Variants in GRM7 observed in about 807,000 individuals in gnomAD.
GRM7 encodes the protein glutamate metabotropic receptor 7, also known as metabotropic glutamate receptor 7.
Under a neutral mutation model 84.5 loss-of-function variants are expected in GRM7, and 35 were observed. The observed-to-expected ratio is 0.41, with a 90% CI of 0.32 to 0.55. The LOEUF is 0.55. GRM7 is among the 20% of genes least tolerant of loss of function. The probability of loss-of-function intolerance (pLI) is 0.19; values close to 1 mark genes in which losing one functional copy is unlikely to be tolerated. For synonymous variants in GRM7, 487 were observed against 455.1 expected (o/e 1.07, Z -0.89); for missense variants, 1,003 against 1,194.6 (o/e 0.84, Z 2.36).
chr3:7,464,720 C>T (rs574778906), intron 7 of GRM7, among the ~76,000 whole-genome samples: 12 of 150,546 alleles, frequency 8.0e-5, no homozygotes, highest in Non-Finnish European at 1.3e-4. Flanking sequence ...CCCAGCTACT[C>T]GGGAGGCTGA....
intron 6 of GRM7, 47 bp downstream of exon 6, chr3:7,452,854 TTC>T: frequency 8.5e-7 from 1 of 1,176,152 alleles, no homozygotes; most frequent in East Asian, 2.4e-5. Context: ...AGTGTTGGCA[TTC>T]TGTTTCATAA....
intron 3 of GRM7, among the ~76,000 whole-genome samples, chr3:7,301,270 C>CAGATTAAGGGA: frequency 6.6e-6 from 1 of 152,182 alleles, no homozygotes; most frequent in South Asian, 2.1e-4. Context: ...TCTGATCATC[C>CAGATTAAGGGA]CTTAAATATA....
intron 9 of GRM7, among the ~76,000 whole-genome samples, chr3:7,734,360 C>A (rs1217200930): frequency 6.6e-6 from 1 of 151,976 alleles, no homozygotes; most frequent in African/African-American, 2.4e-5. Context: ...CACATGGCAG[C>A]TTTAATATAT....
At chr3:7,549,421 C>T (rs1268527940) in intron 7 of GRM7, among the ~76,000 whole-genome samples, 2 of 152,064 alleles carry the variant, frequency 1.3e-5, no homozygotes, top group African/African-American at 4.8e-5. Flanking sequence ...TGCTGCAAAT[C>T]AAGGTGTTTT....
chr3:7,146,019 T>A (rs1356957058), intron 1 of GRM7, among the ~76,000 whole-genome samples: 1 of 152,226 alleles, frequency 6.6e-6, no homozygotes, highest in South Asian at 2.1e-4. Context: ...GTTAGATGGC[T>A]AATGATATCC....
chr3:7,166,525 A>G (rs568530317), intron 2 of GRM7, among the ~76,000 whole-genome samples: 1 of 152,090 alleles, frequency 6.6e-6, no homozygotes, highest in African/African-American at 2.4e-5. Flanking sequence ...CTCCACCCCA[A>G]CTGGGAGATT....
chr3:7,314,066 A>G (rs1700498761), intron 4 of GRM7, among the ~76,000 whole-genome samples: 2 of 152,306 alleles, frequency 1.3e-5, no homozygotes, highest in South Asian at 4.1e-4. Flanking sequence ...AGGTCTAGGA[A>G]ATTAGACATC....
intron 1 of GRM7, among the ~76,000 whole-genome samples, chr3:7,079,491 T>C (rs1052529752): frequency 1.2e-4 from 18 of 151,914 alleles, no homozygotes; most frequent in Non-Finnish European, 2.2e-4. Flanking sequence ...ACTGTACAAA[T>C]GATTGGTACG....
intron 1 of GRM7, among the ~76,000 whole-genome samples, chr3:6,901,026 T>G (rs1437723829): frequency 6.6e-6 from 1 of 152,218 alleles, no homozygotes; most frequent in Non-Finnish European, 1.5e-5. Flanking sequence ...TTTTCTTCAT[T>G]TAGTTTATTC....
chr3:7,206,588 T>A (rs374020701), intron 2 of GRM7, among the ~76,000 whole-genome samples: 27 of 152,296 alleles, frequency 1.8e-4, no homozygotes, highest in African/African-American at 6.3e-4. Context: ...CTACATTGTA[T>A]CATCTTGGAC....
intron 1 of GRM7, among the ~76,000 whole-genome samples, chr3:6,902,203 G>C (rs746782736): frequency 1.6e-4 from 24 of 152,154 alleles, no homozygotes; most frequent in Non-Finnish European, 3.2e-4. Context: ...CTAATACATG[G>C]CATTGCCTTG....
chr3:7,006,994 C>T (rs1241647450), intron 1 of GRM7, among the ~76,000 whole-genome samples: 5 of 152,132 alleles, frequency 3.3e-5, no homozygotes, highest in Admixed American at 3.3e-4. Context: ...TTAGACAAAA[C>T]AACAAACCTT....
At chr3:7,569,066 G>A (rs1170363903) in intron 7 of GRM7, among the ~76,000 whole-genome samples, 1 of 152,192 alleles carries the variant, frequency 6.6e-6, no homozygotes, top group African/African-American at 2.4e-5. Context: ...TGACCCTGGT[G>A]GGGACTTACT....
intron 4 of GRM7, among the ~76,000 whole-genome samples, chr3:7,338,734 T>C (rs1701522423): frequency 6.6e-6 from 1 of 152,050 alleles, no homozygotes; most frequent in Non-Finnish European, 1.5e-5. Context: ...TCATTTGCTG[T>C]CATGATTGTA....
intron 8 of GRM7, among the ~76,000 whole-genome samples, chr3:7,665,054 T>C (rs2125127002): frequency 6.6e-6 from 1 of 152,246 alleles, no homozygotes; most frequent in South Asian, 2.1e-4. Flanking sequence ...CCTGGGTGTG[T>C]TTGCACTATT....
At chr3:6,881,754 G>A (rs1439505131) in intron 1 of GRM7, among the ~76,000 whole-genome samples, 5 of 152,074 alleles carry the variant, frequency 3.3e-5, no homozygotes, top group Non-Finnish European at 2.9e-5. Flanking sequence ...TTCTGGTAGC[G>A]TTCTGTGGGC....
intron 8 of GRM7, among the ~76,000 whole-genome samples, chr3:7,624,699 G>T (rs1342586441): frequency 2.0e-5 from 3 of 152,076 alleles, no homozygotes; most frequent in African/African-American, 7.2e-5. Flanking sequence ...CCTAAATCAG[G>T]GTATGAAGCA....
chr3:7,448,592 C>G (rs1024855761), intron 5 of GRM7, among the ~76,000 whole-genome samples: 1 of 152,140 alleles, frequency 6.6e-6, no homozygotes, highest in Non-Finnish European at 1.5e-5. Context: ...GACTGCCACA[C>G]TAGGGAAAAT....
intron 1 of GRM7, among the ~76,000 whole-genome samples, chr3:6,977,163 C>T (rs1030287245): frequency 6.6e-6 from 1 of 152,106 alleles, no homozygotes; most frequent in African/African-American, 2.4e-5. Flanking sequence ...TATGAAGCTA[C>T]CAGGAGGACT....
Sources: gnomAD v4.1 joint callset for allele counts (sites outside exome capture counted in the v4.1 genomes callset) on GRCh38, gnomAD v4.1.1 for gene constraint, MANE v1.5 for transcripts, NCBI Gene and HGNC (gene_info 2026-07-23, HGNC 2026-07-21) for gene names.